Variants in HOMER1 observed in about 807,000 individuals in gnomAD.
HOMER1 encodes the protein homer scaffold protein 1, also known as homer protein homolog 1.
In HOMER1, 3 loss-of-function variants were observed where a neutral mutation model predicts 48.9. The ratio of observed to expected loss-of-function variants is 0.06; its 90% CI spans 0.03 to 0.16. HOMER1 has a LOEUF of 0.16. Among genes scored for constraint, HOMER1 ranks in the 10% least tolerant of loss-of-function variants. HOMER1 has a pLI of 1.00. For synonymous variants in HOMER1, 134 were observed against 146.4 expected, an observed-to-expected ratio of 0.92 and a Z score of 0.61; for missense variants, 247 against 411.4, an observed-to-expected ratio of 0.60 and a Z score of 3.46.
rs182032177 is a variant in HOMER1, at chr5:79,411,951, G to A, written c.528-9896C>T. Among the ~76,000 whole-genome samples the A allele has an allele frequency of 2.0e-3, 305 of 151,824 alleles. 1 individual carries two copies. The highest frequency in any genetic ancestry group is 4.1e-3 in the Admixed American group (63 of 15,240). On this transcript the variant is annotated intron_variant, in intron 5 of 8. Coordinates refer to ENST00000334082, the MANE Select transcript of HOMER1 (RefSeq NM_004272.5). ...CTGGCCAACATGGTGAAACCCCATC[G>A]CTACTAAAAATACAAAAATTAGCCG...
chr5:79,473,546 T>C (rs9293785), intron 1 of HOMER1, among the ~76,000 whole-genome samples: 44,105 of 152,078 alleles, frequency 0.29, 6,615 homozygotes, highest in South Asian at 0.48. Flanking sequence ...AACCAGTTAT[T>C]TTCAGTTCTT....
Position 79,419,680 on chromosome 5 carries a change from T to C in HOMER1, c.528-17625A>G, listed in dbSNP as rs188973433. Among the ~76,000 whole-genome samples, 241 of 152,088 alleles carry C rather than the reference T, an allele frequency of 1.6e-3. 1 individual carries two copies. In the Middle Eastern group the frequency reaches 0.017, roughly 11 times the overall value. Reference sequence around the variant, plus strand: ...TTAAAATGACTTGTGGCAACAAACTTCATATGCAAGCTAAAAAATGTTAAT... The same window carrying C: ...TTAAAATGACTTGTGGCAACAAACTCCATATGCAAGCTAAAAAATGTTAAT... On this transcript the variant is annotated intron_variant, in intron 5 of 8. Transcript: ENST00000334082.
chr5:79,378,981 A>G (rs1228357397), intron 8 of HOMER1, among the ~76,000 whole-genome samples: 3 of 147,098 alleles, frequency 2.0e-5, no homozygotes, highest in Non-Finnish European at 4.5e-5. Flanking sequence ...GGCAAAGAGA[A>G]TATGTTCCTA....
At chr5:79,423,310 A>G (rs983361468) in intron 5 of HOMER1, among the ~76,000 whole-genome samples, 9 of 152,302 alleles carry the variant, frequency 5.9e-5, no homozygotes, top group East Asian at 1.9e-4. Flanking sequence ...AATTCAATCT[A>G]TAAGTTTGAA....
chr5:79,495,973 A>G (rs758011393), intron 1 of HOMER1, among the ~76,000 whole-genome samples: 2 of 152,188 alleles, frequency 1.3e-5, no homozygotes, highest in Admixed American at 6.5e-5. Flanking sequence ...AGGGGAGTGG[A>G]AAAAAAGGTA....
chr5:79,379,380 ATT>A (rs1245643215), intron 8 of HOMER1, among the ~76,000 whole-genome samples: 1 of 113,534 alleles, frequency 8.8e-6, no homozygotes, highest in African/African-American at 3.6e-5. Flanking sequence ...ATATTTATAT[ATT>A]TTATATATTA....
At chr5:79,492,752 T>A (rs1752315166) in intron 1 of HOMER1, among the ~76,000 whole-genome samples, 1 of 151,940 alleles carries the variant, frequency 6.6e-6, no homozygotes, top group African/African-American at 2.4e-5. Context: ...AGGTTGGTCT[T>A]CCAAGATAAG....
intron 1 of HOMER1, among the ~76,000 whole-genome samples, chr5:79,506,844 A>C (rs13171862): frequency 0.23 from 35,178 of 150,480 alleles, 4,325 homozygotes; most frequent in African/African-American, 0.32. Context: ...ACAAAACCAA[A>C]CAAACAAAAA....
intron 1 of HOMER1, among the ~76,000 whole-genome samples, chr5:79,490,918 C>G (rs1340649331): frequency 6.6e-6 from 1 of 151,014 alleles, no homozygotes. Context: ...GAGCAAGACC[C>G]TGTCTCTAAA....
intron 8 of HOMER1, among the ~76,000 whole-genome samples, chr5:79,379,079 C>CATATATATATAT (rs3082000): frequency 1.3e-3 from 71 of 55,198 alleles, no homozygotes; most frequent in Middle Eastern, 0.012. Flanking sequence ...ACCTTTTGTC[C>CATATATATATAT]ATATATATAT....
At chr5:79,506,750 T>C (rs943172654) in intron 1 of HOMER1, among the ~76,000 whole-genome samples, 3 of 151,940 alleles carry the variant, frequency 2.0e-5, no homozygotes, top group African/African-American at 7.3e-5. Context: ...AGTAGGAGGA[T>C]TGCTTGAGTC....
Position 79,439,663 on chromosome 5 carries a change from G to A in HOMER1, c.388-514C>T, listed in dbSNP as rs575982506. 2.0e-5 allele frequency among the ~76,000 whole-genome samples: 3 copies of A among 152,112 alleles called. No homozygotes were observed. The East Asian group carries it at 5.8e-4, about 29-fold the overall frequency. ...TCTGCCCTACTTTTCAATCCCTATAGAGCTACTTAGAAAAGCAAGAAGAAA... is the reference window on the plus strand; with the variant it reads ...TCTGCCCTACTTTTCAATCCCTATAAAGCTACTTAGAAAAGCAAGAAGAAA... On this transcript the variant is annotated intron_variant, in intron 4 of 8. Transcript: ENST00000334082.
intron 1 of HOMER1, among the ~76,000 whole-genome samples, chr5:79,466,334 G>A (rs1751462876): frequency 6.6e-6 from 1 of 151,828 alleles, no homozygotes; most frequent in African/African-American, 2.4e-5. Context: ...GGGCAATATG[G>A]GGAAACCCCA....
At chr5:79,451,148 C>T (rs1160090074) in intron 2 of HOMER1, 27 bp from the exon 3 acceptor site, 2 of 1,601,210 alleles carry the variant, frequency 1.2e-6, no homozygotes, top group East Asian at 2.2e-5. Context: ...GTATGAGCAA[C>T]CAGCAAAAAA....
intron 1 of HOMER1, among the ~76,000 whole-genome samples, chr5:79,464,132 G>A (rs552824186): frequency 2.0e-4 from 30 of 152,162 alleles, no homozygotes; most frequent in Non-Finnish European, 4.0e-4. Context: ...AACAATTAAC[G>A]ATGGAAAATA....
rs891377715 is a variant in HOMER1 at position 79,373,816 on chromosome 5, T to C, written c.*2193A>G. The C allele has an allele frequency of 1.3e-5, 2 of 151,908 alleles. No individual in the cohort carries two copies. Among genetic ancestry groups the C allele is most frequent in the African/African-American group, 4.8e-5 (2 of 41,412 alleles). The allele number at this position is 151,908 out of a possible 1,614,324, so 9.4% of individuals were successfully genotyped here. A position where few individuals can be genotyped will look rare whatever the true frequency, so the allele number is the denominator to read the frequency against. On this transcript the variant is annotated 3_prime_UTR_variant, in exon 9 of 9. Transcript: ENST00000334082. ...ACTCACAAAATTTCCAATTTTAAAT[T>C]TCATTATCAGTAGGAAAGTATTAAA...
At position 79,374,278 on chromosome 5, in the gene HOMER1, G is replaced by A. The variant is rs536262544; in HGVS notation, c.*1731C>T. On this transcript the variant is annotated 3_prime_UTR_variant, in exon 9 of 9. Coordinates refer to ENST00000334082, the MANE Select transcript of HOMER1 (RefSeq NM_004272.5). ...GTGAGGAAAATATCCTAAAATAGAT[G>A]GAGGTAACGTACATGATGTTACAGC... 6.6e-6 allele frequency: 1 copy of A among 152,490 alleles called. No individual in the cohort carries two copies. The highest frequency in any genetic ancestry group is 2.1e-4 in the South Asian group (1 of 4,828). The allele number at this position is 152,490 out of a possible 1,614,324, so 9.4% of individuals were successfully genotyped here.
At position 79,374,290 on chromosome 5, in the gene HOMER1, CATG is replaced by C. The variant is rs1748703923; in HGVS notation, c.*1716_*1718del. 6.6e-6 allele frequency: 1 copy of C among 152,350 alleles called. No individual in the cohort carries two copies. The highest frequency in any genetic ancestry group is 6.6e-5 in the Admixed American group (1 of 15,256). 9.4% of individuals were successfully genotyped at this position (152,350 alleles called of 1,614,324 possible). A position where few individuals can be genotyped will look rare whatever the true frequency, so the allele number is the denominator to read the frequency against. ...TCCTAAAATAGATGGAGGTAACGTA[CATG>C]ATGTTACAGCACATATAATACATGA... On this transcript the variant is annotated 3_prime_UTR_variant, in exon 9 of 9. Coordinates refer to ENST00000334082, the MANE Select transcript of HOMER1 (RefSeq NM_004272.5).
intron 5 of HOMER1, among the ~76,000 whole-genome samples, chr5:79,414,265 GTTTTT>G (rs34592197): frequency 6.7e-6 from 1 of 148,280 alleles, no homozygotes; most frequent in African/African-American, 2.5e-5. Context: ...TTTTGTTTTT[GTTTTT>G]TTTTTGTACA....
Sources: gnomAD v4.1 joint callset for allele counts (sites outside exome capture counted in the v4.1 genomes callset) on GRCh38, gnomAD v4.1.1 for gene constraint, MANE v1.5 for transcripts, NCBI Gene and HGNC (gene_info 2026-07-23, HGNC 2026-07-21) for gene names.